TCERG1L: variants seen among roughly 807,000 people sequenced by gnomAD.
The protein encoded by TCERG1L is transcription elongation regulator 1-like protein.
Under a neutral mutation model 56.3 loss-of-function variants are expected in TCERG1L, and 37 were observed. That is an observed-to-expected ratio of 0.66 (90% confidence interval 0.51 to 0.87). TCERG1L has a LOEUF of 0.87. Ranked by LOEUF, TCERG1L falls within the 40% of genes least tolerant of loss-of-function variation. The pLI, the probability that TCERG1L is intolerant of heterozygous loss-of-function variation, is 0.00. For synonymous variants in TCERG1L, 324 were observed against 326.3 expected (o/e 0.99, Z 0.08); for missense variants, 799 against 774.2 (o/e 1.03, Z -0.38).
chr10:131,193,501 C>G (rs1443935572), intron 4 of TCERG1L, among the ~76,000 whole-genome samples: 1 of 152,074 alleles, frequency 6.6e-6, no homozygotes, highest in East Asian at 1.9e-4. Flanking sequence ...GTCTTTTATC[C>G]TTCTTGAGCT....
intron 3 of TCERG1L, among the ~76,000 whole-genome samples, chr10:131,268,223 C>T (rs1846305821): frequency 6.6e-6 from 1 of 152,226 alleles, no homozygotes; most frequent in Admixed American, 6.5e-5. Context: ...GAAGCAGCCA[C>T]TCTAGATGGA....
intron 7 of TCERG1L, among the ~76,000 whole-genome samples, chr10:131,142,652 G>T (rs1246423977): frequency 6.6e-6 from 1 of 152,174 alleles, no homozygotes; most frequent in Admixed American, 6.5e-5. Flanking sequence ...TCCATCACAG[G>T]CTGCCCTCAG....
chr10:131,286,516 G>C (rs953047509), intron 3 of TCERG1L, among the ~76,000 whole-genome samples: 1 of 151,868 alleles, frequency 6.6e-6, no homozygotes, highest in South Asian at 2.1e-4. Flanking sequence ...CCTTCCTTCC[G>C]CATTCTAATA....
chr10:131,289,466 GGTGT>G (rs373770887), intron 3 of TCERG1L, among the ~76,000 whole-genome samples: 7,597 of 150,098 alleles, frequency 0.051, 307 homozygotes, highest in Admixed American at 0.14. Context: ...ATCTCTTATC[GGTGT>G]GTGTGTGAGT....
At chr10:131,174,961 A>C (rs72847797) in intron 4 of TCERG1L, among the ~76,000 whole-genome samples, 384 of 148,984 alleles carry the variant, frequency 2.6e-3, no homozygotes, top group South Asian at 3.2e-3. Flanking sequence ...ACCCACCCCA[A>C]TAATGGGACC....
rs1846895935 is a variant in TCERG1L, at chr10:131,311,379, G to C, written c.257C>G (p.Pro86Arg). The stretch of plus-strand genomic sequence containing the variant: ...GGGCAGCGGCAGCAGCGGGAGCACC[G>C]GCTCGCTCGGGGCCGGCCAGCCGGG... ...GLPGWPAPSE[P>R]VLPLLPLPSA... Residue 86 changes from proline (P) to arginine (R), a missense_variant, in exon 1 of 12, where the codon CCG becomes CGG. Transcript: ENST00000368642. The surrounding 1 kb of genome is among the most constrained non-coding windows in gnomAD (Gnocchi z 4.0). 2 of 1,193,136 alleles carry C rather than the reference G, an allele frequency of 1.7e-6. No homozygotes were observed. The highest frequency in any genetic ancestry group is 2.1e-6 in the Non-Finnish European group (2 of 964,552). 73.9% of individuals were successfully genotyped at this position (1,193,136 alleles called of 1,614,324 possible).
chr10:131,118,659 G>A lies in TCERG1L; in HGVS notation c.1260-1725C>T, dbSNP rs1455620130. Among the ~76,000 whole-genome samples the A allele has an allele frequency of 6.6e-6, 1 of 152,052 alleles. No homozygotes were observed. Among genetic ancestry groups the A allele is most frequent in the Non-Finnish European group, 1.5e-5 (1 of 68,024 alleles). On this transcript the variant is annotated intron_variant, in intron 8 of 11. Transcript: ENST00000368642. The surrounding 1 kb of genome is among the most constrained non-coding windows in gnomAD (Gnocchi z 4.2). ...CCCCCGATCCCTGAGGTCTGCTCTTGGTAATTTTCCATCCACTGACCCCCA... is the reference window on the plus strand; with the variant it reads ...CCCCCGATCCCTGAGGTCTGCTCTTAGTAATTTTCCATCCACTGACCCCCA...
intron 8 of TCERG1L, among the ~76,000 whole-genome samples, chr10:131,124,879 A>G (rs1265672552): frequency 6.6e-6 from 1 of 152,122 alleles, no homozygotes; most frequent in Non-Finnish European, 1.5e-5. Context: ...TCAACCCTCC[A>G]TTTCTTCCTC....
intron 4 of TCERG1L, among the ~76,000 whole-genome samples, chr10:131,256,726 A>G (rs1419212423): frequency 6.6e-6 from 1 of 151,882 alleles, no homozygotes; most frequent in Non-Finnish European, 1.5e-5. Context: ...TCTACTAAAA[A>G]TACAAAAATT....
At chr10:131,129,491 A>T (rs1260183457) in intron 8 of TCERG1L, among the ~76,000 whole-genome samples, 2 of 152,238 alleles carry the variant, frequency 1.3e-5, no homozygotes, top group African/African-American at 4.8e-5. Flanking sequence ...GTGTTATTCC[A>T]GCTTTTATGT....
At position 131,144,777 on chromosome 10, in the gene TCERG1L, T is replaced by A. The variant is rs149554533; in HGVS notation, c.1189+1729A>T. On this transcript the variant is annotated intron_variant, in intron 7 of 11. Coordinates refer to ENST00000368642, the MANE Select transcript of TCERG1L (RefSeq NM_174937.4). Reference sequence around the variant, plus strand: ...TCTAAACTAATCAGGTATTTCTGGTTGTAAAACCTTAACTCTCTACCTTTC... The same window carrying A: ...TCTAAACTAATCAGGTATTTCTGGTAGTAAAACCTTAACTCTCTACCTTTC... Among the ~76,000 whole-genome samples, 788 of 152,316 alleles carry A rather than the reference T, an allele frequency of 5.2e-3. 8 individuals carry two copies. The highest frequency in any genetic ancestry group is 0.018 in the African/African-American group (751 of 41,554).
intron 4 of TCERG1L, among the ~76,000 whole-genome samples, chr10:131,180,697 C>G (rs187029724): frequency 6.6e-6 from 1 of 152,144 alleles, no homozygotes. Context: ...TCTCAGCCTA[C>G]GCATCCAGAA....
At chr10:131,254,373 T>TG (rs1214349543) in intron 4 of TCERG1L, among the ~76,000 whole-genome samples, 1 of 41,022 alleles carries the variant, frequency 2.4e-5, no homozygotes, top group Non-Finnish European at 4.1e-5. Context: ...TTTTTAGAGA[T>TG]GGGGTCTCAC....
In TCERG1L at chr10:131,205,189, G is replaced by A. The variant is rs7100903; in HGVS notation, c.857-38304C>T. Among the ~76,000 whole-genome samples, 476 of 152,180 alleles carry A rather than the reference G, an allele frequency of 3.1e-3. 8 individuals carry two copies. The highest frequency in any genetic ancestry group is 0.011 in the African/African-American group (450 of 41,518). ...AAAGGGAAAAAGAAGGTTAATGCTC[G>A]CAATTCATCCTTTTATCCCAACAGC... On this transcript the variant is annotated intron_variant, in intron 4 of 11. Transcript: ENST00000368642.
chr10:131,135,464 A>G (rs1334790965), intron 7 of TCERG1L, among the ~76,000 whole-genome samples: 2 of 152,168 alleles, frequency 1.3e-5, no homozygotes, highest in Admixed American at 6.5e-5. Context: ...TTTTCTTTCT[A>G]TAAAACCCGA....
At chr10:131,257,058 G>GAAAAGA (rs764769205) in intron 4 of TCERG1L, among the ~76,000 whole-genome samples, 3 of 145,340 alleles carry the variant, frequency 2.1e-5, no homozygotes, top group African/African-American at 7.7e-5. Flanking sequence ...AGAAAGAAAA[G>GAAAAGA]AAAGAAAGAA....
rs150956006 is a variant in TCERG1L, at chr10:131,292,410, T to C, written c.670+15801A>G. On this transcript the variant is annotated intron_variant, in intron 3 of 11. Coordinates refer to ENST00000368642, the MANE Select transcript of TCERG1L (RefSeq NM_174937.4). ...ATGAAATGTATATTCTACTGGATTCTTACAGATGTTACTGTTACTGTTCTG... is the reference window on the plus strand; with the variant it reads ...ATGAAATGTATATTCTACTGGATTCCTACAGATGTTACTGTTACTGTTCTG... 7.0e-4 allele frequency among the ~76,000 whole-genome samples: 106 copies of C among 152,348 alleles called. No individual in the cohort carries two copies. In the East Asian group the frequency reaches 0.014, roughly 20 times the overall value.
chr10:131,242,457 C>A lies in TCERG1L; in HGVS notation c.856+17802G>T, dbSNP rs1845983969. On this transcript the variant is annotated intron_variant, in intron 4 of 11. Transcript: ENST00000368642. Reference sequence around the variant, plus strand: ...TTGGGCAAACGACAGAGTGGCATGACTGGGAGCACTCAGAGAGTGGTCAAG... The same window carrying A: ...TTGGGCAAACGACAGAGTGGCATGAATGGGAGCACTCAGAGAGTGGTCAAG... Among the ~76,000 whole-genome samples, 3 of 151,306 alleles carry A rather than the reference C, an allele frequency of 2.0e-5. No individual in the cohort carries two copies. The South Asian group carries it at 6.3e-4, about 32-fold the overall frequency.
intron 8 of TCERG1L, among the ~76,000 whole-genome samples, chr10:131,129,218 A>C (rs1845593641): frequency 6.6e-6 from 1 of 152,126 alleles, no homozygotes; most frequent in Non-Finnish European, 1.5e-5. Flanking sequence ...GAAAAAAAAA[A>C]GAAAACAGTC....
Sources: allele counts gnomAD v4.1 joint callset (sites outside exome capture counted in the v4.1 genomes callset), GRCh38; gene constraint gnomAD v4.1.1; non-coding constraint Gnocchi (gnomAD v3.1); transcripts MANE v1.5; gene names NCBI Gene and HGNC (gene_info 2026-07-23, HGNC 2026-07-21).